The following PLCH2 variants were observed in gnomAD, a reference collection of about 807,000 sequenced individuals.
PLCH2 encodes the protein 1-phosphatidylinositol 4,5-bisphosphate phosphodiesterase eta-2.
Under a neutral mutation model 134.7 loss-of-function variants are expected in PLCH2, and 98 were observed. That is an observed-to-expected ratio of 0.73 (90% confidence interval 0.62 to 0.86). The LOEUF (loss-of-function observed/expected upper bound fraction) is 0.86, where lower values mean the gene tolerates loss of function less well. Among genes scored for constraint, PLCH2 ranks in the 40% least tolerant of loss-of-function variants. PLCH2 has a pLI of 0.00. For missense variants in PLCH2, 1,994 were observed against 1,986.6 expected, an observed-to-expected ratio of 1.00 and a Z score of -0.07; for synonymous variants, 974 against 827.5, an observed-to-expected ratio of 1.18 and a Z score of -3.04.
the PLCH2 span, among the ~76,000 whole-genome samples, chr1:2,420,194 C>A: frequency 1.3e-5 from 2 of 152,094 alleles, no homozygotes; most frequent in Non-Finnish European, 2.9e-5. Flanking sequence ...TCTCAGCTGA[C>A]CCCAACTCCT....
At position 2,449,167 on chromosome 1, in the gene PLCH2, G is replaced by T. The variant is rs1197161090; in HGVS notation, c.115+18538G>T. On this transcript the variant is annotated intron_variant, in intron 2 of 3. Coordinates refer to the PLCH2 transcript ENST00000609981. ...CCCGCCCCCCACCACCCAGAGGTTG[G>T]AGCTATTTCAGTAGAAATACATGTT... 2.7e-5 allele frequency among the ~76,000 whole-genome samples: 4 copies of T among 149,834 alleles called. No individual in the cohort carries two copies. The East Asian group carries it at 5.9e-4, about 22-fold the overall frequency.
Position 2,498,233 on chromosome 1 carries a change from T to A in PLCH2, c.2225-290T>A. The A allele has an allele frequency of 5.0e-5, 16 of 321,340 alleles. No homozygotes were observed. Among genetic ancestry groups the A allele is most frequent in the Non-Finnish European group, 7.0e-5 (12 of 172,372 alleles). The allele number at this position is 321,340 out of a possible 1,614,324, so 19.9% of individuals were successfully genotyped here. On this transcript the variant is annotated intron_variant, in intron 16 of 21. Coordinates refer to ENST00000378486, the MANE Select transcript of PLCH2 (RefSeq NM_014638.4). This position sits in a 1 kb window ranked among gnomAD's most constrained non-coding sequence, Gnocchi z 5.4. The stretch of plus-strand genomic sequence containing the variant: ...ACACTGTCACCAGAGACCCCACCCC[T>A]CATACCCCCAGGGACCCAGACCCAC...
At chr1:2,456,279 C>G (rs1640487716) in intron 2 of PLCH2, among the ~76,000 whole-genome samples, 2 of 152,198 alleles carry the variant, frequency 1.3e-5, no homozygotes, top group African/African-American at 4.8e-5. Flanking sequence ...GCGCAGCCCC[C>G]CCAGTTCGTC....
chr1:2,497,775 GAGGT>G, intron 16 of PLCH2, 166 bp downstream of exon 16: 2 of 551,476 alleles, frequency 3.6e-6, no homozygotes, highest in Non-Finnish European at 3.3e-6. Flanking sequence ...GGATGCTGGG[GAGGT>G]GGGTGGGGGA....
chr1:2,494,026 C>A lies in PLCH2; in HGVS notation c.1660-830C>A, dbSNP rs567784349. On this transcript the variant is annotated intron_variant, in intron 11 of 21. Coordinates refer to ENST00000378486, the MANE Select transcript of PLCH2 (RefSeq NM_014638.4). ...GTGATGTGTCCGCTTCTGGCGGAAG[C>A]CCCCTCCTAACAGGGACCGCTGCTG... is the stretch of plus-strand genomic sequence containing the variant. Among the ~76,000 whole-genome samples the A allele has an allele frequency of 3.9e-5, 6 of 152,306 alleles. No individual in the cohort carries two copies. In the East Asian group the frequency reaches 1.2e-3, roughly 29 times the overall value.
At chr1:2,431,535 G>C (rs1396433056) in intron 2 of PLCH2, among the ~76,000 whole-genome samples, 1 of 152,186 alleles carries the variant, frequency 6.6e-6, no homozygotes, top group Non-Finnish European at 1.5e-5. Context: ...CGGGGAAAGG[G>C]GAGACCAGAT....
In PLCH2 at chr1:2,505,071, G is replaced by T; in HGVS notation, c.4109G>T (p.Gly1370Val). The T allele has an allele frequency of 6.5e-7, 1 of 1,538,432 alleles. No homozygotes were observed. Among genetic ancestry groups the T allele is most frequent in the Non-Finnish European group, 8.7e-7 (1 of 1,149,646 alleles). The change falls in exon 22 of 22, where the codon GGA (glycine) becomes GTA (valine). Residue 1370 changes from glycine to valine, a missense_variant. Physicochemically the swap from Gly to Val is moderately radical, Grantham distance 109 (BLOSUM62 -3). Transcript: ENST00000378486. ...AGACTGCAGGGCCTGGGCCGGCAGG[G>T]ACCCCCAGAAGAGGAGCGGGGCACC... Reference protein sequence around the residue: ...QQRLQGLGRQGPPEEERGTPE... With the variant: ...QQRLQGLGRQVPPEEERGTPE...
chr1:2,491,008 C>A (rs1173826751), intron 10 of PLCH2, among the ~76,000 whole-genome samples, 184 bp from the exon 11 acceptor site: 2 of 152,254 alleles, frequency 1.3e-5, no homozygotes, highest in East Asian at 3.8e-4. Context: ...CAGACTCGTG[C>A]TGCTGGAGGA....
At chr1:2,470,667 G>A (rs1348522428) in intron 1 of PLCH2, among the ~76,000 whole-genome samples, 1 of 152,134 alleles carries the variant, frequency 6.6e-6, no homozygotes, top group Admixed American at 6.5e-5. Flanking sequence ...TCCCTCCCGC[G>A]CCTGGCTATG....
chr1:2,483,761 G>GTGTGGGGGGCGCTGACTCCCA (rs1642103649), intron 4 of PLCH2, among the ~76,000 whole-genome samples: 6 of 109,866 alleles, frequency 5.5e-5, no homozygotes, highest in Middle Eastern at 4.2e-3. Context: ...GTTGACCCCC[G>GTGTGGGGGGCGCTGACTCCCA]TTTGGGGGGG....
intron 2 of PLCH2, chr1:2,479,036 G>A (rs1449754178): frequency 9.9e-6 from 2 of 201,796 alleles, no homozygotes; most frequent in Non-Finnish European, 2.0e-5. Context: ...GAGGGAGCAG[G>A]GGCCACCCGA....
In PLCH2 at chr1:2,480,703, G is replaced by A. The variant is rs555636179; in HGVS notation, c.645+391G>A. ...GAGGGGGGTACACCAGCCCTGGCAGGGCCCAGTCTGATGCGCAGCAGCTCG... is the reference window on the plus strand; with the variant it reads ...GAGGGGGGTACACCAGCCCTGGCAGAGCCCAGTCTGATGCGCAGCAGCTCG... On this transcript the variant is annotated intron_variant, in intron 4 of 21. Coordinates refer to ENST00000378486, the MANE Select transcript of PLCH2 (RefSeq NM_014638.4). Among the ~76,000 whole-genome samples the A allele has an allele frequency of 1.6e-4, 24 of 152,348 alleles. 2 individuals carry two copies. The South Asian group carries it at 4.6e-3, about 29-fold the overall frequency.
At chr1:2,425,164 CAAAAAAAA>C (rs59406327), upstream of PLCH2, among the ~76,000 whole-genome samples, 1 of 86,494 alleles carries the variant, frequency 1.2e-5, no homozygotes, top group Non-Finnish European at 2.4e-5. Flanking sequence ...CACTCCGTCT[CAAAAAAAA>C]AAAAAAAAAA....
chr1:2,428,377 C>T (rs570689128), intron 1 of PLCH2, among the ~76,000 whole-genome samples: 25 of 152,330 alleles, frequency 1.6e-4, no homozygotes, highest in African/African-American at 4.3e-4. Flanking sequence ...CTCCAGGAGC[C>T]GCAGAGACCA....
Position 2,498,189 on chromosome 1 carries a change from G to A in PLCH2, c.2225-334G>A. On this transcript the variant is annotated intron_variant, in intron 16 of 21. Transcript: ENST00000378486. This position sits in a 1 kb window ranked among gnomAD's most constrained non-coding sequence, Gnocchi z 5.4. Reference sequence around the variant, plus strand: ...TGGCTTGCCCTCCTCAGAGTTCTCAGCCTGAGTGGGCCCTGGGGACACTGT... The same window carrying A: ...TGGCTTGCCCTCCTCAGAGTTCTCAACCTGAGTGGGCCCTGGGGACACTGT... 2.9e-6 allele frequency: 1 copy of A among 340,546 alleles called. No homozygotes were observed. The highest frequency in any genetic ancestry group is 5.4e-6 in the Non-Finnish European group (1 of 184,236). 21.1% of individuals were successfully genotyped at this position (340,546 alleles called of 1,614,324 possible).
chr1:2,428,740 A>G (rs947727664), intron 1 of PLCH2, among the ~76,000 whole-genome samples: 1 of 152,244 alleles, frequency 6.6e-6, no homozygotes, highest in Non-Finnish European at 1.5e-5. Context: ...TGGCTGGATC[A>G]GCTCAAGCCT....
At chr1:2,451,027 C>A (rs960978363) in intron 2 of PLCH2, among the ~76,000 whole-genome samples, 4 of 151,996 alleles carry the variant, frequency 2.6e-5, no homozygotes, top group African/African-American at 9.7e-5. Flanking sequence ...CAGGACACAG[C>A]CCTGGCCCTG....
At chr1:2,495,703 G>A (rs985800124) in intron 13 of PLCH2, 133 bp downstream of exon 13, 3 of 625,956 alleles carry the variant, frequency 4.8e-6, no homozygotes, top group East Asian at 3.1e-5. Context: ...GCCCCTGGAA[G>A]CAGTGAAGTG....
chr1:2,445,970 C>A (rs1639924296), intron 2 of PLCH2, among the ~76,000 whole-genome samples: 1 of 152,224 alleles, frequency 6.6e-6, no homozygotes, highest in Admixed American at 6.5e-5. Flanking sequence ...CGGAGGGAGC[C>A]TGGCCCGAGC....
Sources: allele counts gnomAD v4.1 joint callset (sites outside exome capture counted in the v4.1 genomes callset), GRCh38; gene constraint gnomAD v4.1.1; non-coding constraint Gnocchi (gnomAD v3.1); transcripts MANE v1.5; gene names NCBI Gene and HGNC (gene_info 2026-07-23, HGNC 2026-07-21).